The following ZDHHC11B variants were observed in gnomAD, a reference collection of about 807,000 sequenced individuals.
The protein encoded by ZDHHC11B is probable palmitoyltransferase ZDHHC11B.
Under a neutral mutation model 42.3 loss-of-function variants are expected in ZDHHC11B, and 17 were observed. The ratio of observed to expected loss-of-function variants is 0.40; its 90% confidence interval spans 0.27 to 0.60. ZDHHC11B has a LOEUF of 0.60. Ranked by LOEUF, ZDHHC11B falls within the 20% of genes least tolerant of loss-of-function variation. The pLI is 0.41. For missense variants in ZDHHC11B, 262 were observed against 463.2 expected (o/e 0.57, Z 3.99); for synonymous variants, 123 against 193.5 (o/e 0.64, Z 3.02).
At chr5:744,305 T>C (rs1299621799) in intron 9 of ZDHHC11B, among the ~76,000 whole-genome samples, 10 of 149,740 alleles carry the variant, frequency 6.7e-5, no homozygotes, top group Non-Finnish European at 1.5e-4. Context: ...GTCAGGTTGA[T>C]AGTGGCATTG....
chr5:752,418 C>T (rs1745895734), intron 6 of ZDHHC11B, among the ~76,000 whole-genome samples: 4 of 94,566 alleles, frequency 4.2e-5, no homozygotes, highest in African/African-American at 1.2e-4. Context: ...CCAGAAAAAC[C>T]AATTCTGGGC....
intron 4 of ZDHHC11B, among the ~76,000 whole-genome samples, chr5:760,140 C>G (rs1398951276): frequency 6.6e-6 from 1 of 151,764 alleles, no homozygotes; most frequent in Admixed American, 6.6e-5. Context: ...CGTGGCCGAG[C>G]CACGGGCCAA....
In ZDHHC11B at chr5:766,885, G is replaced by T; in HGVS notation, c.35C>A (p.Thr12Asn). ...DTRSGSQCSV[T>N]PEAIRNNEEL... is the part of the protein sequence containing the mutation. The stretch of plus-strand genomic sequence containing the variant: ...TTCATTGTTGCGTATGGCTTCTGGG[G>T]TGACGGAACACTGGCTCCCGGAGCG... Residue 12 changes from threonine to asparagine, a missense_variant, in exon 4 of 14, where the codon ACC becomes AAC. By Grantham distance (65) the Thr-to-Asn change is moderately conservative. Around this residue, in one of 5 missense-constraint regions of ZDHHC11B, gnomAD observed 97 missense variants for 98.1 expected, o/e 0.99. Transcript: ENST00000508859. 6.2e-7 allele frequency: 1 copy of T among 1,612,600 alleles called. No individual in the cohort carries two copies. The highest frequency in any genetic ancestry group is 2.2e-5 in the East Asian group (1 of 44,854).
chr5:741,259 C>G (rs1231030746), intron 10 of ZDHHC11B, among the ~76,000 whole-genome samples: 2 of 144,890 alleles, frequency 1.4e-5, no homozygotes, highest in South Asian at 4.9e-4. Flanking sequence ...TATTAGAGAT[C>G]ATAAGAAATA....
intron 1 of ZDHHC11B, among the ~76,000 whole-genome samples, chr5:777,010 C>T (rs762775145): frequency 2.6e-5 from 4 of 151,876 alleles, no homozygotes; most frequent in Non-Finnish European, 5.9e-5. Flanking sequence ...TGCCTTTCCC[C>T]CTGCAGCACA....
At position 743,749 on chromosome 5, in the gene ZDHHC11B, CTTG is replaced by C. The variant is rs898079370; in HGVS notation, c.900+1431_900+1433del. Among the ~76,000 whole-genome samples the C allele has an allele frequency of 2.0e-5, 3 of 149,980 alleles. 1 individual carries two copies. Among genetic ancestry groups the C allele is most frequent in the Non-Finnish European group, 4.4e-5 (3 of 67,682 alleles). ...TGTATTTTAATATGTGCCCCACATCCTTGTTAAGTGATTTAATTATCTTAACTA... is the reference window on the plus strand; with the variant it reads ...TGTATTTTAATATGTGCCCCACATCCTTAAGTGATTTAATTATCTTAACTA... On this transcript the variant is annotated intron_variant, in intron 9 of 13. Coordinates refer to ENST00000508859, the MANE Select transcript of ZDHHC11B (RefSeq NM_001351303.2).
chr5:783,932 G>A (rs1250451661), intron 1 of ZDHHC11B, among the ~76,000 whole-genome samples: 2 of 150,282 alleles, frequency 1.3e-5, no homozygotes, highest in East Asian at 3.9e-4. Context: ...GGGAGGGACA[G>A]GCTTCTCACC....
At chr5:767,107 G>A (rs1415820122) in intron 3 of ZDHHC11B, among the ~76,000 whole-genome samples, 188 bp from the exon 4 acceptor site, 1 of 151,936 alleles carries the variant, frequency 6.6e-6, no homozygotes, top group Non-Finnish European at 1.5e-5. Flanking sequence ...GTCGGTGCAG[G>A]GCCCTGTCCA....
At chr5:757,764 G>A (rs1734059855) in intron 4 of ZDHHC11B, among the ~76,000 whole-genome samples, 1 of 151,854 alleles carries the variant, frequency 6.6e-6, no homozygotes, top group African/African-American at 2.4e-5. Flanking sequence ...CTGCAAGGAG[G>A]ACAGGCGAGA....
chr5:783,961 G>C lies in ZDHHC11B; in HGVS notation c.-230+707C>G, dbSNP rs1413118705. On this transcript the variant is annotated intron_variant, in intron 1 of 13. Transcript: ENST00000508859. ...TCTCACCTCCCTCGGCTCCGTTTAC[G>C]TAACCGAAACCGCAGAATAAAGGGC... Among the ~76,000 whole-genome samples, 39 of 150,826 alleles carry C rather than the reference G, an allele frequency of 2.6e-4. 1 individual carries two copies. The highest frequency in any genetic ancestry group is 8.8e-4 in the African/African-American group (36 of 41,086).
At chr5:774,343 G>A (rs1736289238) in intron 1 of ZDHHC11B, among the ~76,000 whole-genome samples, 1 of 152,174 alleles carries the variant, frequency 6.6e-6, no homozygotes, top group Non-Finnish European at 1.5e-5. Context: ...TGGAAACCCG[G>A]GTGTCCATGT....
chr5:774,559 T>G (rs1306963295), intron 1 of ZDHHC11B, among the ~76,000 whole-genome samples: 1 of 152,172 alleles, frequency 6.6e-6, no homozygotes. Context: ...GCCTGGAGCC[T>G]GTAACTACGG....
At chr5:715,961 C>A (rs1191327065) in intron 13 of ZDHHC11B, among the ~76,000 whole-genome samples, 3 of 150,766 alleles carry the variant, frequency 2.0e-5, no homozygotes, top group African/African-American at 7.4e-5. Context: ...ATGGATCATG[C>A]CTTTCAGGAT....
chr5:729,095 G>T (rs149094954), intron 12 of ZDHHC11B, among the ~76,000 whole-genome samples: 1 of 149,780 alleles, frequency 6.7e-6, no homozygotes, highest in African/African-American at 2.5e-5. Flanking sequence ...CATCTGTGAG[G>T]GGGAGACCGG....
chr5:752,094 C>T (rs1259026091), intron 6 of ZDHHC11B, among the ~76,000 whole-genome samples: 2 of 124,356 alleles, frequency 1.6e-5, no homozygotes, highest in African/African-American at 5.2e-5. Flanking sequence ...CTCAGGGGGC[C>T]CTGAGCATGG....
At chr5:779,511 T>G (rs1320117785) in intron 1 of ZDHHC11B, among the ~76,000 whole-genome samples, 12 of 149,810 alleles carry the variant, frequency 8.0e-5, no homozygotes, top group African/African-American at 3.0e-4. Flanking sequence ...CAACAGCACC[T>G]GCCTTCTGAG....
intron 1 of ZDHHC11B, among the ~76,000 whole-genome samples, chr5:783,744 ACAG>A (rs1421742683): frequency 7.3e-4 from 88 of 120,800 alleles, no homozygotes; most frequent in Middle Eastern, 4.2e-3. Context: ...CCCCATCAAA[ACAG>A]CAGCCCCCAA....
chr5:776,983 T>C (rs1263681134), intron 1 of ZDHHC11B, among the ~76,000 whole-genome samples: 7 of 151,868 alleles, frequency 4.6e-5, no homozygotes, highest in Non-Finnish European at 5.9e-5. Flanking sequence ...AGAACAAAGC[T>C]GGCAGTTTTG....
chr5:714,936 G>A (rs1439638877), intron 13 of ZDHHC11B, among the ~76,000 whole-genome samples: 2 of 151,524 alleles, frequency 1.3e-5, no homozygotes, highest in Non-Finnish European at 2.9e-5. Context: ...AGACCTTGTT[G>A]TTGAAAAGGG....
Sources: gnomAD v4.1 joint callset for allele counts (sites outside exome capture counted in the v4.1 genomes callset) on GRCh38, gnomAD v4.1.1 for gene constraint, gnomAD v4.1.1 regional missense constraint, MANE v1.5 for transcripts, NCBI Gene and HGNC (gene_info 2026-07-23, HGNC 2026-07-21) for gene names.